CGNL1: variants seen among roughly 807,000 people sequenced by gnomAD.
CGNL1 encodes the protein cingulin-like protein 1.
CGNL1 carries 132 observed loss-of-function variants against 141.2 expected under a neutral mutation model. The observed-to-expected ratio is 0.93, with a 90% CI of 0.81 to 1.08. The LOEUF (loss-of-function observed/expected upper bound fraction) is 1.08. CGNL1 is among the 50% of genes least tolerant of loss of function. The probability of loss-of-function intolerance (pLI) is 0.00; values close to 1 mark genes in which losing one functional copy is unlikely to be tolerated. For synonymous variants in CGNL1, 690 were observed against 622.1 expected (o/e 1.11, Z -1.63); for missense variants, 1,870 against 1,588.6 (o/e 1.18, Z -3.01).
intron 8 of CGNL1, among the ~76,000 whole-genome samples, chr15:57,507,536 G>C (rs1595777363): frequency 6.6e-6 from 1 of 152,188 alleles, no homozygotes; most frequent in East Asian, 1.9e-4. Context: ...AATTGAATAT[G>C]ATTAAAAGGG....
In CGNL1 at chr15:57,516,830, G is replaced by A. The variant is rs372418359; in HGVS notation, c.2454G>A (p.Ala818=). The change falls in exon 9 of 19, where the codon GCG becomes GCA. Residue 818 remains alanine, a synonymous_variant. Coordinates refer to ENST00000281282, the MANE Select transcript of CGNL1 (RefSeq NM_032866.5). ...GCAACACTTCAGAGCAAGACCAGGC[G>A]GGGACTGAAATGCGCGTGAAGCTTC... is the stretch of plus-strand genomic sequence containing the variant. ...SRSNTSEQDQ[A]GTEMRVKLLQ... is the part of the protein sequence containing the mutation. 1.3e-5 allele frequency: 21 copies of A among 1,614,078 alleles called. No individual in the cohort carries two copies. Among genetic ancestry groups the A allele is most frequent in the East Asian group, 4.5e-5 (2 of 44,882 alleles).
chr15:57,546,240 G>A lies in CGNL1; in HGVS notation c.3773+1G>A, dbSNP rs757175136. The A allele has an allele frequency of 4.5e-6, 7 of 1,570,738 alleles. No individual in the cohort carries two copies. The East Asian group carries it at 9.4e-5, about 21-fold the overall frequency. ...TCAACTCCATGAAGAAGGACTTAAG[G>A]TGGGCAGGTGTGGAGGCCACAGAGG... is the stretch of plus-strand genomic sequence containing the variant. On this transcript the variant is annotated splice_donor_variant, in intron 18 of 18. Transcript: ENST00000281282. LOFTEE classifies it high-confidence loss of function.
At chr15:57,503,862 T>C (rs1248641693) in intron 8 of CGNL1, among the ~76,000 whole-genome samples, 5 of 152,150 alleles carry the variant, frequency 3.3e-5, no homozygotes, top group Admixed American at 3.3e-4. Context: ...GCCCCCATGA[T>C]TCAATTACCT....
At position 57,547,478 on chromosome 15, in the gene CGNL1, C is replaced by T; in HGVS notation, c.3897C>T (p.Ala1299=). The T allele has an allele frequency of 6.2e-7, 1 of 1,614,008 alleles. No individual in the cohort carries two copies. The highest frequency in any genetic ancestry group is 1.1e-5 in the South Asian group (1 of 91,028). The stretch of plus-strand genomic sequence containing the variant: ...CATTCTCCAAGGACAGCACCGTCGC[C>T]AGCCAGATCTGAGTGCTCTCCCGGG... The part of the protein sequence containing the change: ...SYTFSKDSTV[A]SQI Residue 1299 remains alanine, a synonymous_variant, in exon 19 of 19, where the codon GCC becomes GCT. Transcript: ENST00000281282.
chr15:57,444,515 G>C (rs1208696310), intron 4 of CGNL1, among the ~76,000 whole-genome samples: 1 of 152,174 alleles, frequency 6.6e-6, no homozygotes, highest in Non-Finnish European at 1.5e-5. Flanking sequence ...TGTTCTTAGA[G>C]TGAGCGCAGT....
Position 57,524,727 on chromosome 15 carries a change from G to T in CGNL1, c.3015G>T (p.Leu1005=), listed in dbSNP as rs1286247908. The T allele has an allele frequency of 1.2e-6, 2 of 1,614,178 alleles. No individual in the cohort carries two copies. The highest frequency in any genetic ancestry group is 1.7e-6 in the Non-Finnish European group (2 of 1,180,014). ...EKTLEAEKSR[L]TAMKMQDEMR... The stretch of plus-strand genomic sequence containing the variant: ...CGCTGGAGGCAGAAAAGTCCCGACT[G>T]ACAGCCATGAAAATGCAGGATGAGG... The change falls in exon 12 of 19, where the codon CTG becomes CTT. Residue 1005 remains leucine (L), a synonymous_variant. Transcript: ENST00000281282.
chr15:57,409,273 G>T (rs1347302661), intron 1 of CGNL1, among the ~76,000 whole-genome samples: 2 of 152,232 alleles, frequency 1.3e-5, no homozygotes, highest in Non-Finnish European at 2.9e-5. Flanking sequence ...AGACGTGTGA[G>T]TAGGTGCAGA....
chr15:57,523,616 A>C lies in CGNL1; in HGVS notation c.2843A>C (p.Lys948Thr), dbSNP rs1277234671. 1 of 1,614,148 alleles carries C rather than the reference A, an allele frequency of 6.2e-7. No homozygotes were observed. The highest frequency in any genetic ancestry group is 1.1e-5 in the South Asian group (1 of 91,074). Residue 948 changes from lysine (K) to threonine (T), a missense_variant, in exon 11 of 19, where the codon AAA (lysine) becomes ACA (threonine). Coordinates refer to ENST00000281282, the MANE Select transcript of CGNL1 (RefSeq NM_032866.5). ...EMENERWHLG[K>T]TIEKLQKEMA... ...GAGAATGAGCGGTGGCACCTGGGCA[A>C]AACCATTGAGAAACTGCAGAAGGAG... is the stretch of plus-strand genomic sequence containing the variant.
intron 14 of CGNL1, among the ~76,000 whole-genome samples, chr15:57,535,694 C>G (rs2032220625): frequency 6.6e-6 from 1 of 152,148 alleles, no homozygotes; most frequent in South Asian, 2.1e-4. Flanking sequence ...TTGAATGGCT[C>G]TATTGTGAAG....
chr15:57,476,492 C>G (rs1387147986), intron 8 of CGNL1, among the ~76,000 whole-genome samples: 1 of 152,076 alleles, frequency 6.6e-6, no homozygotes, highest in African/African-American at 2.4e-5. Flanking sequence ...TGCTTATTTA[C>G]TTGAGGTACT....
chr15:57,529,208 T>C (rs1452906715), intron 13 of CGNL1, among the ~76,000 whole-genome samples: 1 of 152,210 alleles, frequency 6.6e-6, no homozygotes, highest in African/African-American at 2.4e-5. Flanking sequence ...CTAGGAATCA[T>C]CATTCTTCAT....
chr15:57,517,429 T>G (rs2030905027), intron 9 of CGNL1, among the ~76,000 whole-genome samples: 1 of 152,178 alleles, frequency 6.6e-6, no homozygotes, highest in Admixed American at 6.5e-5. Flanking sequence ...AGTGGGAAGC[T>G]GTGACTGAGA....
intron 8 of CGNL1, among the ~76,000 whole-genome samples, chr15:57,465,343 G>A (rs1212571025): frequency 6.6e-6 from 1 of 151,290 alleles, no homozygotes; most frequent in African/African-American, 2.4e-5. Context: ...CCTGCCCCAG[G>A]GGGAGAACCC....
chr15:57,497,901 C>G (rs1255756985), intron 8 of CGNL1, among the ~76,000 whole-genome samples: 2 of 152,218 alleles, frequency 1.3e-5, no homozygotes, highest in Admixed American at 1.3e-4. Context: ...TCCTGGTGCC[C>G]TCAGTGTCAC....
chr15:57,494,593 C>A (rs745636849), intron 8 of CGNL1, among the ~76,000 whole-genome samples: 14 of 152,180 alleles, frequency 9.2e-5, no homozygotes, highest in Non-Finnish European at 1.3e-4. Context: ...TGGGAATCGG[C>A]CCAATCCCAT....
In CGNL1 at chr15:57,464,073, C is replaced by CTTTT. The variant is rs34545500; in HGVS notation, c.2403+2189_2403+2192dup. Among the ~76,000 whole-genome samples, 834 of 149,088 alleles carry CTTTT rather than the reference C, an allele frequency of 5.6e-3. 9 individuals carry two copies. Among genetic ancestry groups the CTTTT allele is most frequent in the African/African-American group, 0.019 (786 of 40,446 alleles). ...CTTAGGCATAGGGGGCACTTTTGTC[C>CTTTT]TTTTTTTTTTTCCTGAGAGGGAGTG... On this transcript the variant is annotated intron_variant, in intron 8 of 18. Coordinates refer to ENST00000281282, the MANE Select transcript of CGNL1 (RefSeq NM_032866.5).
At chr15:57,487,641 A>G (rs143449756) in intron 8 of CGNL1, among the ~76,000 whole-genome samples, 2 of 152,368 alleles carry the variant, frequency 1.3e-5, no homozygotes, top group East Asian at 3.9e-4. Context: ...ATATTTATAC[A>G]GAACCAAGTG....
At chr15:57,483,615 C>T (rs992786692) in intron 8 of CGNL1, among the ~76,000 whole-genome samples, 10 of 151,894 alleles carry the variant, frequency 6.6e-5, no homozygotes, top group Non-Finnish European at 1.0e-4. Flanking sequence ...TTATTTCCTG[C>T]CTTATTACGC....
At chr15:57,491,633 G>T (rs1297049700) in intron 8 of CGNL1, among the ~76,000 whole-genome samples, 1 of 152,178 alleles carries the variant, frequency 6.6e-6, no homozygotes, top group Non-Finnish European at 1.5e-5. Context: ...TGCTCACATT[G>T]TAGCTAAGAG....
Sources: allele counts gnomAD v4.1 joint callset (sites outside exome capture counted in the v4.1 genomes callset), GRCh38; gene constraint gnomAD v4.1.1; transcripts MANE v1.5; gene names NCBI Gene and HGNC (gene_info 2026-07-23, HGNC 2026-07-21).